The following MTCL1 variants were observed in gnomAD, a reference collection of about 807,000 sequenced individuals.
MTCL1 encodes microtubule crosslinking factor 1.
A neutral mutation model predicts 141.4 loss-of-function variants in MTCL1; 79 were observed. That is an observed-to-expected ratio of 0.56 (90% CI 0.47 to 0.67). MTCL1 has a LOEUF of 0.67. Among genes scored for constraint, MTCL1 ranks in the 30% least tolerant of loss-of-function variants. MTCL1 has a pLI of 0.00. For missense variants in MTCL1, 2,177 were observed against 2,113.9 expected (o/e 1.03, Z -0.59); for synonymous variants, 914 against 875.8 (o/e 1.04, Z -0.77).
chr18:8,713,963 G>A (rs2096110516), upstream of MTCL1, among the ~76,000 whole-genome samples: 1 of 152,094 alleles, frequency 6.6e-6, no homozygotes, highest in African/African-American at 2.4e-5. Flanking sequence ...GCGGGGAAGG[G>A]GCACGGATAT....
Position 8,785,977 on chromosome 18 carries a change from C to CCGAGGGGA in MTCL1, c.1778_1785dup (p.Arg596GlyfsTer51). The CCGAGGGGA allele has an allele frequency of 6.2e-7, 1 of 1,603,698 alleles. No individual in the cohort carries two copies. ...AGCTGGAGTGGCAGCTCGGGCCGGCCCGAGGGGACGAGCGGGAGAGCCTGC... is the reference window on the plus strand; with the variant it reads ...AGCTGGAGTGGCAGCTCGGGCCGGCCCGAGGGGACGAGGGGACGAGCGGGAGAGCCTGC... On this transcript the variant is annotated frameshift_variant, in exon 7 of 17. Transcript: ENST00000359865. LOFTEE classifies it high-confidence loss of function.
At chr18:8,744,118 C>A (rs1175461774) in intron 4 of MTCL1, among the ~76,000 whole-genome samples, 2 of 152,180 alleles carry the variant, frequency 1.3e-5, no homozygotes, top group East Asian at 3.8e-4. Context: ...AGCTAGCAAA[C>A]CTGCCCTAGG....
At chr18:8,722,639 G>T (rs1047403493) in intron 4 of MTCL1, among the ~76,000 whole-genome samples, 2 of 152,152 alleles carry the variant, frequency 1.3e-5, no homozygotes, top group African/African-American at 4.8e-5. Flanking sequence ...TCACCGTAAA[G>T]GTCTTCATGC....
At chr18:8,825,108 C>A in exon 15 of MTCL1, 1 of 1,602,552 alleles carries the variant, frequency 6.2e-7, no homozygotes, top group Non-Finnish European at 8.5e-7. Context: ...GCCTGCCGTG[C>A]GCAGGGTCGA....
At chr18:8,752,871 C>T (rs1567978883) in intron 4 of MTCL1, among the ~76,000 whole-genome samples, 1 of 152,126 alleles carries the variant, frequency 6.6e-6, no homozygotes, top group Non-Finnish European at 1.5e-5. Flanking sequence ...CACAGTGAGC[C>T]ATAATGAGGC....
chr18:8,711,866 A>G (rs1360238291), intron 1 of MTCL1, among the ~76,000 whole-genome samples: 1 of 152,176 alleles, frequency 6.6e-6, no homozygotes, highest in Non-Finnish European at 1.5e-5. Flanking sequence ...CTTAATGCTG[A>G]GGACTTTGGT....
intron 4 of MTCL1, among the ~76,000 whole-genome samples, chr18:8,776,113 C>T (rs532800775): frequency 1.1e-3 from 164 of 152,244 alleles, no homozygotes; most frequent in Non-Finnish European, 1.8e-3. Context: ...GGAATAAAGC[C>T]GAGAGAGTCA....
chr18:8,707,825 G>T (rs1361847025), intron 1 of MTCL1, among the ~76,000 whole-genome samples: 1 of 152,184 alleles, frequency 6.6e-6, no homozygotes, highest in Non-Finnish European at 1.5e-5. Flanking sequence ...TAAGGTGCAT[G>T]GTGGTGAAGT....
At chr18:8,790,062 C>T (rs1400567021) in intron 7 of MTCL1, among the ~76,000 whole-genome samples, 1 of 152,192 alleles carries the variant, frequency 6.6e-6, no homozygotes, top group Non-Finnish European at 1.5e-5. Flanking sequence ...TGCTGTTGGG[C>T]AGGCAGCAGT....
At chr18:8,780,291 C>A (rs1484907528) in intron 5 of MTCL1, among the ~76,000 whole-genome samples, 1 of 152,240 alleles carries the variant, frequency 6.6e-6, no homozygotes, top group Non-Finnish European at 1.5e-5. Flanking sequence ...CAAAAGCTTC[C>A]CGCACCATGC....
At chr18:8,773,870 T>TA (rs2096494580) in intron 4 of MTCL1, among the ~76,000 whole-genome samples, 1 of 152,234 alleles carries the variant, frequency 6.6e-6, no homozygotes, top group Non-Finnish European at 1.5e-5. Context: ...TTAGTTTCAT[T>TA]AATCTGTCTA....
intron 4 of MTCL1, among the ~76,000 whole-genome samples, chr18:8,755,268 G>T (rs1165846921): frequency 6.6e-6 from 1 of 152,192 alleles, no homozygotes; most frequent in Non-Finnish European, 1.5e-5. Context: ...GGTGCTATTT[G>T]GGATGTCGTT....
chr18:8,737,968 G>A (rs2096282511), intron 4 of MTCL1, among the ~76,000 whole-genome samples: 1 of 152,146 alleles, frequency 6.6e-6, no homozygotes, highest in African/African-American at 2.4e-5. Context: ...TGTTGGTCTC[G>A]AAGAATCAAC....
rs1440726494 is a variant in MTCL1, at chr18:8,727,505, A to T, written c.357+7009A>T. ...GCCATTCTGACCGGTGTTTGATGAT[A>T]TCTCATTGTGGTTTTAATTTGCATT... On this transcript the variant is annotated intron_variant, in intron 4 of 16. Transcript: ENST00000359865. 3.2e-4 allele frequency among the ~76,000 whole-genome samples: 48 copies of T among 152,172 alleles called. 1 individual carries two copies. Among genetic ancestry groups the T allele is most frequent in the Admixed American group, 3.1e-3 (47 of 15,282 alleles).
intron 5 of MTCL1, 101 bp from the exon 5 acceptor site, chr18:8,783,429 T>C: frequency 9.4e-7 from 1 of 1,067,752 alleles, no homozygotes; most frequent in Non-Finnish European, 1.3e-6. Context: ...CGGTGTTTGA[T>C]GTTTGTGTGC....
chr18:8,816,820 C>G (rs1479121309), intron 12 of MTCL1, among the ~76,000 whole-genome samples: 1 of 152,096 alleles, frequency 6.6e-6, no homozygotes, highest in Non-Finnish European at 1.5e-5. Context: ...GTTCGACTTG[C>G]ATTAAAAGTT....
chr18:8,824,548 G>A, intron 14 of MTCL1, 151 bp from the exon 14 acceptor site: 1 of 651,128 alleles, frequency 1.5e-6, no homozygotes, highest in East Asian at 2.7e-5. Flanking sequence ...AAGTCTGTGA[G>A]TGCAGCACAT....
intron 4 of MTCL1, among the ~76,000 whole-genome samples, chr18:8,755,503 T>C (rs879299841): frequency 6.6e-6 from 1 of 152,120 alleles, no homozygotes; most frequent in East Asian, 1.9e-4. Flanking sequence ...CCAGGAGCAC[T>C]TCAGGGACAT....
At chr18:8,778,053 T>C (rs1305605787) in intron 5 of MTCL1, 161 bp downstream of exon 4, 1 of 551,052 alleles carries the variant, frequency 1.8e-6, no homozygotes, top group African/African-American at 1.9e-5. Context: ...TGTGAACATT[T>C]TCTTTGCAAA....
Sources: allele counts gnomAD v4.1 joint callset (sites outside exome capture counted in the v4.1 genomes callset), GRCh38; gene constraint gnomAD v4.1.1; transcripts MANE v1.5; gene names NCBI Gene and HGNC (gene_info 2026-07-23, HGNC 2026-07-21).